Variants in MTBP observed in about 807,000 individuals in gnomAD.
The protein encoded by MTBP is MDM2 binding protein, also known as mdm2-binding protein.
A neutral mutation model predicts 117.0 loss-of-function variants in MTBP; 101 were observed. The ratio of observed to expected loss-of-function variants is 0.86; its 90% confidence interval spans 0.73 to 1.02. The LOEUF (loss-of-function observed/expected upper bound fraction) is 1.02. MTBP is among the 50% of genes least tolerant of loss of function. The probability of loss-of-function intolerance (pLI) is 0.00; values close to 1 mark genes in which losing one functional copy is unlikely to be tolerated. For missense variants in MTBP, 970 were observed against 1,030.9 expected (o/e 0.94, Z 0.81); for synonymous variants, 350 against 351.5 (o/e 1.00, Z 0.05).
At chr8:120,519,858 A>G (rs1256713394) in intron 20 of MTBP, among the ~76,000 whole-genome samples, 1 of 152,150 alleles carries the variant, frequency 6.6e-6, no homozygotes, top group African/African-American at 2.4e-5. Flanking sequence ...GAGATTGTCC[A>G]ACTTGCTTTG....
chr8:120,483,972 T>C (rs1194184297), intron 11 of MTBP, among the ~76,000 whole-genome samples: 4 of 152,136 alleles, frequency 2.6e-5, no homozygotes, highest in Non-Finnish European at 5.9e-5. Flanking sequence ...AAGTCTTCAA[T>C]TAACACCTGC....
intron 5 of MTBP, among the ~76,000 whole-genome samples, chr8:120,454,682 G>A (rs2130515830): frequency 6.6e-6 from 1 of 152,086 alleles, no homozygotes; most frequent in East Asian, 1.9e-4. Context: ...TCATATATTA[G>A]TACAAAAAGC....
chr8:120,486,640 G>A (rs919896171), intron 11 of MTBP, among the ~76,000 whole-genome samples: 2 of 152,166 alleles, frequency 1.3e-5, no homozygotes, highest in African/African-American at 4.8e-5. Context: ...ATGAGATGCT[G>A]TAACCCTTTA....
chr8:120,459,350 G>A lies in MTBP; in HGVS notation c.882+1G>A, dbSNP rs770139544. On this transcript the variant is annotated splice_donor_variant, in intron 8 of 21. Transcript: ENST00000305949. LOFTEE classifies it high-confidence loss of function. ...AAAGGATAAGAATATTTTGCCAAAG[G>A]TAATCGTGTTTAATTTTTTTGTGTG... 9 of 1,591,608 alleles carry A rather than the reference G, an allele frequency of 5.7e-6. No homozygotes were observed. Among genetic ancestry groups the A allele is most frequent in the Non-Finnish European group, 7.7e-6 (9 of 1,171,674 alleles).
intron 11 of MTBP, among the ~76,000 whole-genome samples, chr8:120,485,552 G>A (rs1814195132): frequency 6.6e-6 from 1 of 151,850 alleles, no homozygotes. Flanking sequence ...TTTAAGCATG[G>A]TTTCCTTTAG....
At chr8:120,498,246 A>T (rs1814509890) in intron 14 of MTBP, among the ~76,000 whole-genome samples, 1 of 152,240 alleles carries the variant, frequency 6.6e-6, no homozygotes, top group South Asian at 2.1e-4. Context: ...TGTGAGGATT[A>T]GTAGGTTATT....
chr8:120,465,595 T>C (rs907365508), intron 10 of MTBP, among the ~76,000 whole-genome samples: 2 of 151,552 alleles, frequency 1.3e-5, no homozygotes, highest in African/African-American at 4.8e-5. Flanking sequence ...CTAAGTAATT[T>C]GAAGGTATGA....
At chr8:120,460,067 T>G (rs1400892882) in intron 8 of MTBP, among the ~76,000 whole-genome samples, 3 of 152,090 alleles carry the variant, frequency 2.0e-5, no homozygotes, top group Admixed American at 1.3e-4. Context: ...GGGCATGAAG[T>G]TAAAGGATGT....
chr8:120,499,719 A>G (rs1397896770), intron 14 of MTBP, among the ~76,000 whole-genome samples: 2 of 152,248 alleles, frequency 1.3e-5, no homozygotes, highest in East Asian at 1.9e-4. Flanking sequence ...TCTAGCATGT[A>G]TAACAAGTGA....
At chr8:120,490,134 G>T (rs1027840343) in intron 12 of MTBP, among the ~76,000 whole-genome samples, 1 of 151,934 alleles carries the variant, frequency 6.6e-6, no homozygotes, top group Non-Finnish European at 1.5e-5. Context: ...GGCTTTTGGG[G>T]GTATCTTTAC....
intron 14 of MTBP, among the ~76,000 whole-genome samples, chr8:120,498,969 GAC>G (rs1382605731): frequency 6.6e-6 from 1 of 152,182 alleles, no homozygotes; most frequent in East Asian, 1.9e-4. Flanking sequence ...AAGGATACTT[GAC>G]ACACTGAGCT....
At chr8:120,519,602 A>G (rs1814980670) in intron 20 of MTBP, among the ~76,000 whole-genome samples, 1 of 152,178 alleles carries the variant, frequency 6.6e-6, no homozygotes. Flanking sequence ...AGAAAGGACA[A>G]GAAAAAACTG....
intron 16 of MTBP, among the ~76,000 whole-genome samples, chr8:120,509,597 G>A (rs557144641): frequency 4.3e-4 from 65 of 152,078 alleles, no homozygotes; most frequent in Non-Finnish European, 6.5e-4. Context: ...GTGAGACTCC[G>A]TCCCCACCGC....
chr8:120,467,207 A>C (rs571736716), intron 10 of MTBP, among the ~76,000 whole-genome samples: 1 of 152,366 alleles, frequency 6.6e-6, no homozygotes, highest in African/African-American at 2.4e-5. Flanking sequence ...TATGATGTTC[A>C]CTAATCTTCT....
At chr8:120,486,995 C>G (rs1311892259) in intron 11 of MTBP, among the ~76,000 whole-genome samples, 1 of 152,120 alleles carries the variant, frequency 6.6e-6, no homozygotes, top group Non-Finnish European at 1.5e-5. Context: ...TCCTCATAGC[C>G]CCTAAAATAA....
In MTBP at chr8:120,446,434, C is replaced by G. The variant is rs909447125; in HGVS notation, c.120C>G (p.Asp40Glu). ...SSGEGTENQP[D>E]FTAANVYHLL... ...GTTAGTCTATCTTTTCTTTTTCAGACTTCACAGCAGCAAATGTTTATCACC... is the reference window on the plus strand; with the variant it reads ...GTTAGTCTATCTTTTCTTTTTCAGAGTTCACAGCAGCAAATGTTTATCACC... Residue 40 changes from aspartate (D) to glutamate (E), a missense_variant and splice_region_variant, in exon 2 of 22, where the codon GAC (aspartate) becomes GAG (glutamate). Coordinates refer to ENST00000305949, the MANE Select transcript of MTBP (RefSeq NM_022045.5). 6.2e-7 allele frequency: 1 copy of G among 1,600,106 alleles called. No individual in the cohort carries two copies. Among genetic ancestry groups the G allele is most frequent in the Admixed American group, 1.7e-5 (1 of 59,952 alleles).
chr8:120,461,222 C>T lies in MTBP; in HGVS notation c.944C>T (p.Pro315Leu). ...FVQMIKLSDL[P>L]SCYMSDIEFE... ...CAGATGATAAAATTATCAGATCTAC[C>T]CTCCTGCTATATGTCGGATATTGAA... Residue 315 changes from proline to leucine, a missense_variant, in exon 9 of 22, where the codon CCC (proline) becomes CTC (leucine). Transcript: ENST00000305949. The T allele has an allele frequency of 1.2e-6, 2 of 1,604,094 alleles. No homozygotes were observed. Among genetic ancestry groups the T allele is most frequent in the Non-Finnish European group, 8.5e-7 (1 of 1,171,842 alleles).
In MTBP at chr8:120,449,256, A is replaced by G. The variant is rs534819385; in HGVS notation, c.200-1747A>G. Among the ~76,000 whole-genome samples, 7 of 152,268 alleles carry G rather than the reference A, an allele frequency of 4.6e-5. No individual in the cohort carries two copies. The East Asian group carries it at 5.8e-4, about 13-fold the overall frequency. ...GGATGAGAAAAGAATCAAGGATGAC[A>G]TTAGGTTTCTGGTGTGGGTAATGGC... On this transcript the variant is annotated intron_variant, in intron 2 of 21. Transcript: ENST00000305949.
chr8:120,470,819 G>C lies in MTBP; in HGVS notation c.1048-1G>C, dbSNP rs1419542240. 1.3e-6 allele frequency: 2 copies of C among 1,587,754 alleles called. No individual in the cohort carries two copies. Among genetic ancestry groups the C allele is most frequent in the South Asian group, 2.2e-5 (2 of 89,986 alleles). On this transcript the variant is annotated splice_acceptor_variant, in intron 10 of 21. Coordinates refer to ENST00000305949, the MANE Select transcript of MTBP (RefSeq NM_022045.5). LOFTEE classifies it high-confidence loss of function. ...ATAAAAATATGGTCTGTTTTATTCAGGTTGGTGCTCTTTTTGTATTGCCAT... is the reference window on the plus strand; with the variant it reads ...ATAAAAATATGGTCTGTTTTATTCACGTTGGTGCTCTTTTTGTATTGCCAT...
Sources: allele counts gnomAD v4.1 joint callset (sites outside exome capture counted in the v4.1 genomes callset), GRCh38; gene constraint gnomAD v4.1.1; transcripts MANE v1.5; gene names NCBI Gene and HGNC (gene_info 2026-07-23, HGNC 2026-07-21).